Variants in ECHDC1 observed in about 807,000 individuals in gnomAD.
ECHDC1 encodes the protein ethylmalonyl-CoA decarboxylase 1.
Under a neutral mutation model 29.7 loss-of-function variants are expected in ECHDC1, and 29 were observed. The observed-to-expected ratio is 0.98, with a 90% CI of 0.73 to 1.33. ECHDC1 has a LOEUF of 1.33. Among genes scored for constraint, ECHDC1 ranks in the 40% most tolerant of loss-of-function variants. The pLI, the probability that ECHDC1 is intolerant of heterozygous loss-of-function variation, is 0.00. For synonymous variants in ECHDC1, 126 were observed against 123.1 expected (o/e 1.02, Z -0.15); for missense variants, 328 against 350.0 (o/e 0.94, Z 0.50).
chr6:127,311,763 A>C (rs1268946467), intron 5 of ECHDC1, among the ~76,000 whole-genome samples: 1 of 147,646 alleles, frequency 6.8e-6, no homozygotes, highest in African/African-American at 2.5e-5. Flanking sequence ...CAGAAAAAAA[A>C]CAGATCTTGA....
At chr6:127,340,662 A>C (rs1314614145) in intron 1 of ECHDC1, among the ~76,000 whole-genome samples, 1 of 152,220 alleles carries the variant, frequency 6.6e-6, no homozygotes, top group Admixed American at 6.5e-5. Flanking sequence ...TGTGGGGCAG[A>C]GGCCCCAATT....
At position 127,312,891 on chromosome 6, in the gene ECHDC1, T is replaced by C. The variant is rs541446556; in HGVS notation, c.497+1925A>G. 9.9e-5 allele frequency among the ~76,000 whole-genome samples: 15 copies of C among 152,228 alleles called. No homozygotes were observed. In the South Asian group the frequency reaches 2.9e-3, roughly 29 times the overall value. On this transcript the variant is annotated intron_variant, in intron 5 of 5. Coordinates refer to ENST00000454859, the MANE Select transcript of ECHDC1 (RefSeq NM_001002030.2). ...ACAACATGGATGACTCTCAAAATAA[T>C]TACACTGAATTAAAGAAGGCAGACA...
At chr6:127,318,483 G>A (rs181052242) in intron 3 of ECHDC1, among the ~76,000 whole-genome samples, 2 of 152,280 alleles carry the variant, frequency 1.3e-5, no homozygotes, top group Admixed American at 1.3e-4. Flanking sequence ...GGGGACTAGA[G>A]AACCTAAGAA....
At position 127,288,951 on chromosome 6, in the gene ECHDC1, A is replaced by C. The variant is rs527454539; in HGVS notation, c.*918T>G. On this transcript the variant is annotated 3_prime_UTR_variant, in exon 6 of 6. Transcript: ENST00000454859. ...CAAATACTTTTGACCTCTTGTGATG[A>C]GTCAGAACTAGAACTTAATTCTTTG... 5 of 152,232 alleles carry C rather than the reference A, an allele frequency of 3.3e-5. 1 individual carries two copies. The South Asian group carries it at 1.0e-3, about 32-fold the overall frequency. 9.4% of individuals were successfully genotyped at this position (152,232 alleles called of 1,614,324 possible).
At chr6:127,290,720 CAAA>C (rs1036264910) in intron 5 of ECHDC1, among the ~76,000 whole-genome samples, 10 of 152,182 alleles carry the variant, frequency 6.6e-5, no homozygotes, top group African/African-American at 2.4e-4. Flanking sequence ...CAAGTATTTA[CAAA>C]GAACTACCAG....
chr6:127,318,493 A>T (rs1222654254), intron 3 of ECHDC1, among the ~76,000 whole-genome samples: 1 of 152,220 alleles, frequency 6.6e-6, no homozygotes, highest in Non-Finnish European at 1.5e-5. Context: ...GAACCTAAGA[A>T]GTTCTCAATA....
At chr6:127,335,115 G>A (rs932669624) in intron 1 of ECHDC1, among the ~76,000 whole-genome samples, 5 of 152,044 alleles carry the variant, frequency 3.3e-5, no homozygotes, top group African/African-American at 1.2e-4. Flanking sequence ...TTATAAAATG[G>A]TATCAGAAAC....
At chr6:127,316,533 G>A in intron 3 of ECHDC1, 31 bp from the exon 4 acceptor site, 1 of 1,554,404 alleles carries the variant, frequency 6.4e-7, no homozygotes. Flanking sequence ...AAACACAAAG[G>A]TATAATGCAA....
chr6:127,298,877 A>G (rs1276331513), intron 5 of ECHDC1, among the ~76,000 whole-genome samples: 2 of 151,410 alleles, frequency 1.3e-5, no homozygotes, highest in African/African-American at 2.4e-5. Flanking sequence ...TTACTGTACT[A>G]TATTTTTTTT....
chr6:127,326,876 C>CA (rs2114665626), intron 3 of ECHDC1, 126 bp downstream of exon 3: 2 of 1,172,834 alleles, frequency 1.7e-6, no homozygotes, highest in Admixed American at 2.6e-5. Flanking sequence ...CAAAACAAAC[C>CA]AAAAAATCCC....
chr6:127,332,408 A>T (rs1784039047), intron 1 of ECHDC1, among the ~76,000 whole-genome samples: 2 of 152,108 alleles, frequency 1.3e-5, no homozygotes, highest in South Asian at 4.1e-4. Flanking sequence ...GAATGCACTC[A>T]AGACACAGAC....
chr6:127,314,399 G>C (rs1782194065), intron 5 of ECHDC1, among the ~76,000 whole-genome samples: 1 of 152,006 alleles, frequency 6.6e-6, no homozygotes. Flanking sequence ...GAAGACAAAG[G>C]GATCTCAGAA....
chr6:127,311,529 A>G (rs534125855), intron 5 of ECHDC1, among the ~76,000 whole-genome samples: 218 of 151,152 alleles, frequency 1.4e-3, no homozygotes, highest in African/African-American at 5.1e-3. Context: ...ACAAAAATTA[A>G]CCAGGCGTGG....
intron 1 of ECHDC1, among the ~76,000 whole-genome samples, chr6:127,332,894 G>C (rs1228144274): frequency 1.3e-5 from 2 of 152,162 alleles, no homozygotes; most frequent in Non-Finnish European, 2.9e-5. Context: ...CCAGGTTGAA[G>C]TGATTCTCGT....
chr6:127,337,095 T>C lies in ECHDC1; in HGVS notation c.-2-6065A>G, dbSNP rs570764136. Among the ~76,000 whole-genome samples, 29 of 152,330 alleles carry C rather than the reference T, an allele frequency of 1.9e-4. No individual in the cohort carries two copies. The East Asian group carries it at 5.6e-3, about 29-fold the overall frequency. ...TAACCCTGTATATTGTGACTTACTT[T>C]TCAATCTGACTCTGGCATAACATTC... is the stretch of plus-strand genomic sequence containing the variant. On this transcript the variant is annotated intron_variant, in intron 1 of 5. Transcript: ENST00000454859.
chr6:127,332,169 C>T (rs1025207169), intron 1 of ECHDC1, among the ~76,000 whole-genome samples: 1 of 152,118 alleles, frequency 6.6e-6, no homozygotes, highest in African/African-American at 2.4e-5. Flanking sequence ...TCAGTCAAAA[C>T]CCTTCAAGTA....
chr6:127,340,029 C>G (rs1441485509), intron 1 of ECHDC1, among the ~76,000 whole-genome samples: 3 of 152,076 alleles, frequency 2.0e-5, no homozygotes, highest in Non-Finnish European at 2.9e-5. Context: ...TTCATATTTA[C>G]AAAATGGGTT....
At chr6:127,325,449 G>T (rs1024816189) in intron 3 of ECHDC1, among the ~76,000 whole-genome samples, 2 of 152,032 alleles carry the variant, frequency 1.3e-5, no homozygotes, top group Non-Finnish European at 2.9e-5. Context: ...GTTGAATTAT[G>T]ACTAACAGGT....
intron 1 of ECHDC1, among the ~76,000 whole-genome samples, chr6:127,333,553 A>C (rs1378997348): frequency 6.6e-6 from 1 of 151,822 alleles, no homozygotes; most frequent in Non-Finnish European, 1.5e-5. Context: ...GCTGCGGCCC[A>C]GTCTACACTG....
Sources: allele counts gnomAD v4.1 joint callset (sites outside exome capture counted in the v4.1 genomes callset), GRCh38; gene constraint gnomAD v4.1.1; transcripts MANE v1.5; gene names NCBI Gene and HGNC (gene_info 2026-07-23, HGNC 2026-07-21).